Variants in RTN1 observed in about 807,000 individuals in gnomAD.
RTN1 encodes reticulon 1.
In RTN1, 25 loss-of-function variants were observed where a neutral mutation model predicts 65.5. The ratio of observed to expected loss-of-function variants is 0.38; its 90% CI spans 0.28 to 0.53. The LOEUF (loss-of-function observed/expected upper bound fraction) is 0.53. Ranked by LOEUF, RTN1 falls within the 20% of genes least tolerant of loss-of-function variation. The probability of loss-of-function intolerance (pLI) is 0.79; values close to 1 mark genes in which losing one functional copy is unlikely to be tolerated. For synonymous variants in RTN1, 471 were observed against 447.6 expected, an observed-to-expected ratio of 1.05 and a Z score of -0.66; for missense variants, 983 against 1,025.4, an observed-to-expected ratio of 0.96 and a Z score of 0.57.
chr14:59,602,053 G>A (rs1881595604), intron 8 of RTN1, among the ~76,000 whole-genome samples: 1 of 152,126 alleles, frequency 6.6e-6, no homozygotes, highest in Non-Finnish European at 1.5e-5. Flanking sequence ...ATGACTTTAA[G>A]AGGACAAATG....
chr14:59,746,516 T>G (rs1594717518), intron 1 of RTN1, 35 bp from the exon 2 acceptor site: 1 of 1,528,382 alleles, frequency 6.5e-7, no homozygotes, highest in Non-Finnish European at 8.8e-7. Context: ...AGTGAGTGGG[T>G]GCTTGGCGTC....
chr14:59,823,596 G>GC (rs1217061616), intron 1 of RTN1, among the ~76,000 whole-genome samples: 1 of 152,022 alleles, frequency 6.6e-6, no homozygotes, highest in Admixed American at 6.6e-5. Context: ...CTGAATATAG[G>GC]CCCCCCATCT....
chr14:59,754,125 GGCCAC>G (rs1885586213), intron 1 of RTN1, among the ~76,000 whole-genome samples: 1 of 152,226 alleles, frequency 6.6e-6, no homozygotes, highest in Admixed American at 6.5e-5. Flanking sequence ...AGGATTCACA[GGCCAC>G]TATTTCTAGT....
At chr14:59,745,560 TAA>T in intron 2 of RTN1, 146 bp downstream of exon 2, 1 of 614,146 alleles carries the variant, frequency 1.6e-6, no homozygotes, top group East Asian at 2.9e-5. Context: ...CTTTGAATAT[TAA>T]TTAAATTAGT....
intron 3 of RTN1, among the ~76,000 whole-genome samples, chr14:59,668,988 C>G (rs928490913): frequency 1.3e-5 from 2 of 151,950 alleles, no homozygotes; most frequent in African/African-American, 4.8e-5. Context: ...GTAACAGGCA[C>G]CCTTTTACAC....
intron 1 of RTN1, among the ~76,000 whole-genome samples, chr14:59,863,479 A>G (rs1489783937): frequency 6.6e-6 from 1 of 152,082 alleles, no homozygotes; most frequent in Non-Finnish European, 1.5e-5. Context: ...TCCTCTTGAC[A>G]TATATTTATC....
intron 3 of RTN1, among the ~76,000 whole-genome samples, chr14:59,659,859 C>T (rs1883206628): frequency 6.6e-6 from 1 of 152,144 alleles, no homozygotes; most frequent in Non-Finnish European, 1.5e-5. Context: ...CAGCTAACAT[C>T]ATAATGACAG....
intron 2 of RTN1, among the ~76,000 whole-genome samples, chr14:59,741,475 C>T (rs1474043000): frequency 2.0e-5 from 3 of 152,142 alleles, no homozygotes; most frequent in African/African-American, 7.2e-5. Context: ...TTGTAAGCTC[C>T]ATGAAGCCAG....
intron 3 of RTN1, among the ~76,000 whole-genome samples, chr14:59,723,609 C>T (rs1433941487): frequency 1.3e-5 from 2 of 151,874 alleles, no homozygotes; most frequent in Non-Finnish European, 2.9e-5. Flanking sequence ...GAGCGAGACT[C>T]CGTCTCAAAA....
Position 59,727,573 on chromosome 14 carries a change from C to A in RTN1, c.1111G>T (p.Ala371Ser). ...KEAKGLSYET[A>S]ENPRPVGQLA... ...TGGCCCACCGGCCGTGGGTTCTCGG[C>A]GGTTTCATACGATAATCCCTTTGCT... The change falls in exon 3 of 9, where the codon GCC (alanine) becomes TCC (serine). Residue 371 changes from alanine (A) to serine (S), a missense_variant. This residue lies in a region of RTN1 where 818 missense variants were observed against 801.8 expected (regional missense o/e 1.02). Transcript: ENST00000267484. This position sits in a 1 kb window ranked among gnomAD's most constrained non-coding sequence, Gnocchi z 4.2. The A allele has an allele frequency of 6.2e-7, 1 of 1,612,124 alleles. No homozygotes were observed. The highest frequency in any genetic ancestry group is 8.5e-7 in the Non-Finnish European group (1 of 1,179,536).
At chr14:59,627,560 T>G (rs1186779404) in intron 3 of RTN1, among the ~76,000 whole-genome samples, 5 of 152,234 alleles carry the variant, frequency 3.3e-5, no homozygotes, top group Non-Finnish European at 7.3e-5. Flanking sequence ...TTAATTCTCA[T>G]TTTGTTTTCA....
At chr14:59,848,481 GA>G (rs1235253748) in intron 1 of RTN1, among the ~76,000 whole-genome samples, 2 of 152,172 alleles carry the variant, frequency 1.3e-5, no homozygotes, top group Admixed American at 6.5e-5. Flanking sequence ...AGTTTTAAAA[GA>G]AATTCAAAGT....
chr14:59,793,535 T>A (rs1007246767), intron 1 of RTN1, among the ~76,000 whole-genome samples: 3 of 152,118 alleles, frequency 2.0e-5, no homozygotes, highest in African/African-American at 7.2e-5. Flanking sequence ...CTAATTACTG[T>A]GTGTAAGTAT....
chr14:59,677,539 G>C (rs1207584627), intron 3 of RTN1, among the ~76,000 whole-genome samples: 1 of 152,214 alleles, frequency 6.6e-6, no homozygotes, highest in Non-Finnish European at 1.5e-5. Flanking sequence ...TAAGTGGACA[G>C]AGCATGATGG....
chr14:59,770,207 G>A (rs1009038015), intron 1 of RTN1, among the ~76,000 whole-genome samples: 6 of 151,546 alleles, frequency 4.0e-5, no homozygotes, highest in Admixed American at 2.0e-4. Flanking sequence ...GCGAAACCCC[G>A]TATCTACTAA....
intron 1 of RTN1, among the ~76,000 whole-genome samples, chr14:59,749,999 A>T (rs866842851): frequency 1.2e-5 from 1 of 82,382 alleles, no homozygotes; most frequent in Non-Finnish European, 2.1e-5. Flanking sequence ...ATACATATAT[A>T]TTATATACAT....
chr14:59,856,126 A>G (rs982368591), intron 1 of RTN1, among the ~76,000 whole-genome samples: 2 of 152,084 alleles, frequency 1.3e-5, no homozygotes, highest in African/African-American at 4.8e-5. Flanking sequence ...GTCCTTCCAC[A>G]GGTCCCATGA....
At chr14:59,772,489 G>A (rs901341960) in intron 1 of RTN1, among the ~76,000 whole-genome samples, 8 of 151,692 alleles carry the variant, frequency 5.3e-5, no homozygotes, top group African/African-American at 1.5e-4. Context: ...ACATCTTTCC[G>A]GATTAAGTTA....
intron 3 of RTN1, among the ~76,000 whole-genome samples, chr14:59,725,561 G>A (rs1335669291): frequency 2.0e-5 from 3 of 152,146 alleles, no homozygotes; most frequent in Admixed American, 1.3e-4. Flanking sequence ...CATTCCCACC[G>A]TTAAATTTGT....
Sources: allele counts gnomAD v4.1 joint callset (sites outside exome capture counted in the v4.1 genomes callset), GRCh38; gene constraint gnomAD v4.1.1; regional missense constraint gnomAD v4.1.1; non-coding constraint Gnocchi (gnomAD v3.1); transcripts MANE v1.5; gene names NCBI Gene and HGNC (gene_info 2026-07-23, HGNC 2026-07-21).